The following AGBL5 variants were observed in gnomAD, a reference collection of about 807,000 sequenced individuals.
AGBL5 encodes cytosolic carboxypeptidase-like protein 5.
Under a neutral mutation model 88.0 loss-of-function variants are expected in AGBL5, and 51 were observed. The ratio of observed to expected loss-of-function variants is 0.58; its 90% CI spans 0.46 to 0.73. The LOEUF (loss-of-function observed/expected upper bound fraction) is 0.73. AGBL5 is among the 30% of genes least tolerant of loss of function. The pLI is 0.00. For missense variants in AGBL5, 1,031 were observed against 1,162.2 expected, an observed-to-expected ratio of 0.89 and a Z score of 1.64; for synonymous variants, 446 against 438.8, an observed-to-expected ratio of 1.02 and a Z score of -0.21.
chr2:27,051,390 A>C (rs905391469), upstream of AGBL5: 2 of 152,258 alleles, frequency 1.3e-5, no homozygotes, highest in Admixed American at 1.3e-4. Flanking sequence ...TTAAGCGATA[A>C]GGAGTTTCAC....
chr2:27,056,612 TCCCCAAACAG>T lies in AGBL5; in HGVS notation c.1366-10_1366-1del. Reference sequence around the variant, plus strand: ...TCTCTCCTTCTGAGTTGACTTTTCTTCCCCAAACAGGTGGAAAACATGCTATATCCAAAGC... The same window carrying T: ...TCTCTCCTTCTGAGTTGACTTTTCTTGTGGAAAACATGCTATATCCAAAGC... On this transcript the variant is annotated splice_acceptor_variant and splice_polypyrimidine_tract_variant and intron_variant, in intron 7 of 14. Transcript: ENST00000360131. LOFTEE classifies it high-confidence loss of function. 1 of 1,588,154 alleles carries T rather than the reference TCCCCAAACAG, an allele frequency of 6.3e-7. No homozygotes were observed. The highest frequency in any genetic ancestry group is 1.1e-5 in the South Asian group (1 of 88,600).
intron 6 of AGBL5, 98 bp downstream of exon 6, chr2:27,055,351 G>A: frequency 6.8e-7 from 1 of 1,466,570 alleles, no homozygotes; most frequent in Non-Finnish European, 9.3e-7. Context: ...TGTGTTCCCA[G>A]TCCTCTTGCA....
chr2:27,056,921 G>A, intron 8 of AGBL5, 129 bp downstream of exon 8: 2 of 1,092,570 alleles, frequency 1.8e-6, no homozygotes, highest in Non-Finnish European at 2.5e-6. Flanking sequence ...GCTTGAACCT[G>A]GGAGGCAGAG....
rs200469656 is a variant in AGBL5 at position 27,055,889 on chromosome 2, A to G, written c.1116A>G (p.Gln372=). The change falls in exon 7 of 15, where the codon CAA becomes CAG. Residue 372 remains glutamine (Q), a synonymous_variant. Transcript: ENST00000360131. Reference sequence around the variant, plus strand: ...ACCTGGAGAAAGCCAACAATCTCCAAAATGAAGCTCAGTGTGGGCACTCAG... The same window carrying G: ...ACCTGGAGAAAGCCAACAATCTCCAGAATGAAGCTCAGTGTGGGCACTCAG... ...VSDLEKANNL[Q]NEAQCGHSAD... 14 of 1,614,062 alleles carry G rather than the reference A, an allele frequency of 8.7e-6. No individual in the cohort carries two copies. In the South Asian group the frequency reaches 9.9e-5, roughly 11 times the overall value.
At chr2:27,051,344 G>C (rs1316653857), upstream of AGBL5, 1 of 152,270 alleles carries the variant, frequency 6.6e-6, no homozygotes, top group Non-Finnish European at 1.5e-5. Flanking sequence ...TCCCGGCGCA[G>C]TGGGCTACGT....
At chr2:27,067,770 A>C in intron 12 of AGBL5, 124 bp downstream of exon 12, 1 of 1,073,560 alleles carries the variant, frequency 9.3e-7, no homozygotes, top group Non-Finnish European at 1.5e-6. Context: ...AACCTCTAAC[A>C]CTGGTGCCTT....
chr2:27,054,997 T>C, intron 5 of AGBL5, 78 bp from the exon 6 acceptor site: 1 of 1,529,906 alleles, frequency 6.5e-7, no homozygotes, highest in Non-Finnish European at 8.9e-7. Context: ...TCCTGCCTCA[T>C]CCATGACACC....
At chr2:27,058,746 G>A in intron 10 of AGBL5, 144 bp downstream of exon 10, 1 of 901,368 alleles carries the variant, frequency 1.1e-6, no homozygotes, top group Admixed American at 2.4e-5. Context: ...AAATTAGTCA[G>A]ATTAGTTTAT....
At chr2:27,050,410 C>T (rs1234088575), upstream of AGBL5, 1 of 152,344 alleles carries the variant, frequency 6.6e-6, no homozygotes, top group Non-Finnish European at 1.5e-5. Flanking sequence ...GGCTCTCGAG[C>T]AGGGTTTGCG....
chr2:27,053,564 C>A lies in AGBL5; in HGVS notation c.378C>A (p.Pro126=). ...GCTGGGAACGCATTCGAGACCGGCC[C>A]ACCTTTGAGGTAAGTTCTCCATGAG... ...RPRWERIRDR[P]TFEMTETQFV... is the part of the protein sequence containing the mutation. The change falls in exon 3 of 15, where the codon CCC becomes CCA. Residue 126 remains proline, a synonymous_variant. Coordinates refer to ENST00000360131, the MANE Select transcript of AGBL5 (RefSeq NM_021831.6). The surrounding 1 kb of genome is among the most constrained non-coding windows in gnomAD (Gnocchi z 4.9). 1.2e-6 allele frequency: 2 copies of A among 1,612,752 alleles called. No homozygotes were observed. The highest frequency in any genetic ancestry group is 1.7e-6 in the Non-Finnish European group (2 of 1,179,452).
Position 27,055,837 on chromosome 2 carries a change from G to T in AGBL5, c.1064G>T (p.Cys355Phe). ...QSSSEHQPSS[C>F]LPPDAPVSDL... Reference sequence around the variant, plus strand: ...TCCTCTGAGCACCAGCCCAGTTCCTGTCTCCCTCCTGATGCTCCTGTTTCT... The same window carrying T: ...TCCTCTGAGCACCAGCCCAGTTCCTTTCTCCCTCCTGATGCTCCTGTTTCT... Residue 355 changes from cysteine (C) to phenylalanine (F), a missense_variant, in exon 7 of 15, where the codon TGT becomes TTT. Physicochemically the swap from Cys to Phe is radical, Grantham distance 205. Around this residue, in one of 2 missense-constraint regions of AGBL5, gnomAD observed 540 missense variants for 678.2 expected, o/e 0.80. Transcript: ENST00000360131. 1 of 1,614,174 alleles carries T rather than the reference G, an allele frequency of 6.2e-7. No individual in the cohort carries two copies. The highest frequency in any genetic ancestry group is 8.5e-7 in the Non-Finnish European group (1 of 1,180,032).
intron 11 of AGBL5, 134 bp downstream of exon 11, chr2:27,059,538 T>C: frequency 1.3e-6 from 2 of 1,526,414 alleles, no homozygotes; most frequent in South Asian, 1.3e-5. Flanking sequence ...TAGCAGAACC[T>C]GTGGCCTCTC....
intron 4 of AGBL5, 180 bp downstream of exon 4, chr2:27,054,239 G>T: frequency 1.4e-6 from 1 of 705,004 alleles, no homozygotes. Context: ...CCTGATCTCA[G>T]CATATCGACA....
At chr2:27,068,990 C>A in intron 13 of AGBL5, 2 of 1,457,972 alleles carry the variant, frequency 1.4e-6, no homozygotes, top group Non-Finnish European at 1.8e-6. Context: ...CCAACCTTAG[C>A]CTGCTAGCTT....
At chr2:27,057,182 A>C in intron 8 of AGBL5, 121 bp from the exon 9 acceptor site, 1 of 1,122,714 alleles carries the variant, frequency 8.9e-7, no homozygotes, top group Non-Finnish European at 1.3e-6. Flanking sequence ...GATTATTAGC[A>C]CTTTCATTTG....
At chr2:27,063,658 G>A (rs1558422179) in intron 11 of AGBL5, among the ~76,000 whole-genome samples, 1 of 152,050 alleles carries the variant, frequency 6.6e-6, no homozygotes, top group South Asian at 2.1e-4. Flanking sequence ...AATCAGGTCT[G>A]TGATTGTCCC....
intron 8 of AGBL5, 105 bp from the exon 9 acceptor site, chr2:27,057,198 A>G (rs1486572537): frequency 7.7e-7 from 1 of 1,296,948 alleles, no homozygotes; most frequent in African/African-American, 1.5e-5. Flanking sequence ...ATTTGTGTTC[A>G]CTTTTTTCCA....
At position 27,054,738 on chromosome 2, in the gene AGBL5, A is replaced by G. The variant is rs1668343799; in HGVS notation, c.660A>G (p.Arg220=). ...CCTGCCATGGGCTTCGAGAAGATCGAGAGCCCCGTCTAGAGCAGCTATTTC... is the reference window on the plus strand; with the variant it reads ...CCTGCCATGGGCTTCGAGAAGATCGGGAGCCCCGTCTAGAGCAGCTATTTC... ...ITSCHGLRED[R]EPRLEQLFPD... The change falls in exon 5 of 15, where the codon CGA becomes CGG. Residue 220 remains arginine (R), a synonymous_variant. Transcript: ENST00000360131. 6.2e-7 allele frequency: 1 copy of G among 1,614,016 alleles called. No homozygotes were observed. Among genetic ancestry groups the G allele is most frequent in the East Asian group, 2.2e-5 (1 of 44,890 alleles).
chr2:27,054,157 A>T, intron 4 of AGBL5, 98 bp downstream of exon 4: 2 of 1,405,378 alleles, frequency 1.4e-6, no homozygotes, highest in East Asian at 2.4e-5. Context: ...CCATACTTTC[A>T]TCCGTCTTTT....
Sources: gnomAD v4.1 joint callset for allele counts (sites outside exome capture counted in the v4.1 genomes callset) on GRCh38, gnomAD v4.1.1 for gene constraint, gnomAD v4.1.1 regional missense constraint, Gnocchi (gnomAD v3.1) non-coding constraint, MANE v1.5 for transcripts, NCBI Gene and HGNC (gene_info 2026-07-23, HGNC 2026-07-21) for gene names.